The following ATG2A variants were observed in gnomAD, a reference collection of about 807,000 sequenced individuals.
ATG2A encodes autophagy-related protein 2 homolog A.
ATG2A carries 103 observed loss-of-function variants against 214.2 expected under a neutral mutation model. That is an observed-to-expected ratio of 0.48 (90% CI 0.41 to 0.57). The LOEUF is 0.57. Ranked by LOEUF, ATG2A falls within the 20% of genes least tolerant of loss-of-function variation. ATG2A has a pLI of 0.00. For synonymous variants in ATG2A, 1,160 were observed against 1,142.1 expected, an observed-to-expected ratio of 1.02 and a Z score of -0.32; for missense variants, 2,312 against 2,613.2, an observed-to-expected ratio of 0.88 and a Z score of 2.51.
At position 64,913,619 on chromosome 11, in the gene ATG2A, G is replaced by C. The variant is rs1046875296; in HGVS notation, c.590+202C>G. On this transcript the variant is annotated intron_variant, in intron 4 of 40. Transcript: ENST00000377264. This position sits in a 1 kb window ranked among gnomAD's most constrained non-coding sequence, Gnocchi z 4.3. ...CATCTAACTTGGTTCTTGGGGCCTC[G>C]GCCACTCTGGGCCTGTATCACCTGG... 1.3e-6 allele frequency: 1 copy of C among 780,948 alleles called. No homozygotes were observed. The highest frequency in any genetic ancestry group is 2.0e-6 in the Non-Finnish European group (1 of 501,446). 48.4% of individuals were successfully genotyped at this position (780,948 alleles called of 1,614,324 possible).
Position 64,910,136 on chromosome 11 carries a change from G to T in ATG2A, c.1767C>A (p.Ala589=). 1 of 1,612,036 alleles carries T rather than the reference G, an allele frequency of 6.2e-7. No individual in the cohort carries two copies. Among genetic ancestry groups the T allele is most frequent in the Non-Finnish European group, 8.5e-7 (1 of 1,179,626 alleles). Residue 589 remains alanine, a synonymous_variant, in exon 13 of 41, where the codon GCC becomes GCA. Coordinates refer to ENST00000377264, the MANE Select transcript of ATG2A (RefSeq NM_015104.3). Reference sequence around the variant, plus strand: ...CCAGCTCCACGTCCGCCTGGAAGTTGGCCAGGTCCAGGGCCAGTTCTGAGT... The same window carrying T: ...CCAGCTCCACGTCCGCCTGGAAGTTTGCCAGGTCCAGGGCCAGTTCTGAGT... ...HCHSELALDL[A]NFQADVELGA... is the part of the protein sequence containing the mutation.
Position 64,911,028 on chromosome 11 carries a change from G to A in ATG2A, c.1466+10C>T, listed in dbSNP as rs760314174. 46 of 1,613,810 alleles carry A rather than the reference G, an allele frequency of 2.9e-5. No homozygotes were observed. Among genetic ancestry groups the A allele is most frequent in the Admixed American group, 6.7e-5 (4 of 60,004 alleles). On this transcript the variant is annotated intron_variant, in intron 10 of 40. Transcript: ENST00000377264. The stretch of plus-strand genomic sequence containing the variant: ...TGGTCTCTCCTCAGGCCCTGGCCTC[G>A]GGCTTATACCGAACATGGCTACAGG...
In ATG2A at chr11:64,903,312, C is replaced by G; in HGVS notation, c.3588G>C (p.Trp1196Cys). The G allele has an allele frequency of 6.2e-7, 1 of 1,614,062 alleles. No homozygotes were observed. The highest frequency in any genetic ancestry group is 8.5e-7 in the Non-Finnish European group (1 of 1,180,008). Residue 1196 changes from tryptophan to cysteine, a missense_variant, in exon 26 of 41, where the codon TGG (tryptophan) becomes TGC (cysteine). By Grantham distance (215) the Trp-to-Cys change is radical. Transcript: ENST00000377264. This position sits in a 1 kb window ranked among gnomAD's most constrained non-coding sequence, Gnocchi z 4.2. Reference sequence around the variant, plus strand: ...CCAGTTTGCCCTCGGTGCTCCCTTTCCAGGTTTTAATCACAAGTTCCAAGA... The same window carrying G: ...CCAGTTTGCCCTCGGTGCTCCCTTTGCAGGTTTTAATCACAAGTTCCAAGA... The part of the protein sequence containing the change: ...VDLLELVIKT[W>C]KGSTEGKLSQ...
At chr11:64,914,524 C>T in intron 1 of ATG2A, 24 bp from the exon 2 acceptor site, 10 of 1,607,782 alleles carry the variant, frequency 6.2e-6, no homozygotes, top group Non-Finnish European at 7.6e-6. Context: ...AGAGACAAAA[C>T]CAGCTCAGGG....
At chr11:64,907,133 G>A (rs1944581465) in intron 19 of ATG2A, 122 bp downstream of exon 19, 7 of 1,220,790 alleles carry the variant, frequency 5.7e-6, no homozygotes, top group South Asian at 1.6e-5. Context: ...GGGTGGGCTG[G>A]CGCTGCCCAC....
intron 31 of ATG2A, among the ~76,000 whole-genome samples, chr11:64,899,508 C>G (rs923555622): frequency 3.9e-5 from 6 of 152,314 alleles, no homozygotes; most frequent in African/African-American, 1.2e-4. Context: ...CCCCTCTGCC[C>G]TTTGCCTCTA....
chr11:64,894,889 G>A lies in ATG2A; in HGVS notation c.*84C>T, dbSNP rs1944092328. ...CAGTGGCCATCCCCTGAAGGGCCAG[G>A]CCGGGCCGGGCCCGTGGGCTGCAGC... On this transcript the variant is annotated 3_prime_UTR_variant, in exon 41 of 41. Transcript: ENST00000377264. The A allele has an allele frequency of 6.6e-7, 1 of 1,523,476 alleles. No individual in the cohort carries two copies. Among genetic ancestry groups the A allele is most frequent in the Non-Finnish European group, 9.0e-7 (1 of 1,107,988 alleles). 94.4% of individuals were successfully genotyped at this position (1,523,476 alleles called of 1,614,324 possible).
At chr11:64,908,436 C>A (rs759693541) in intron 16 of ATG2A, among the ~76,000 whole-genome samples, 1 of 152,112 alleles carries the variant, frequency 6.6e-6, no homozygotes, top group Non-Finnish European at 1.5e-5. Context: ...CCTGTAATCC[C>A]GGCTACTCAG....
At position 64,909,956 on chromosome 11, in the gene ATG2A, C is replaced by CG. The variant is rs770942560; in HGVS notation, c.1864-33dup. On this transcript the variant is annotated intron_variant, in intron 13 of 40. Coordinates refer to ENST00000377264, the MANE Select transcript of ATG2A (RefSeq NM_015104.3). ...GAGGATTGGGGGTCAGAGCAGCCGTCGGAGCCCCTCCCACTGTGACCAAGA... is the reference window on the plus strand; with the variant it reads ...GAGGATTGGGGGTCAGAGCAGCCGTCGGGAGCCCCTCCCACTGTGACCAAGA... The CG allele has an allele frequency of 1.7e-4, 266 of 1,581,906 alleles. No individual in the cohort carries two copies. The Middle Eastern group carries it at 5.2e-3, about 31-fold the overall frequency.
chr11:64,909,911 G>A lies in ATG2A; in HGVS notation c.1877C>T (p.Pro626Leu), dbSNP rs758839871. ...AAATACCGTCTGCTGCTCCATCGCCGGCAGGGGCTCTGTCTGCAGGAGGAT... is the reference window on the plus strand; with the variant it reads ...AAATACCGTCTGCTGCTCCATCGCCAGCAGGGGCTCTGTCTGCAGGAGGAT... ...PPAGLLTEPL[P>L]AMEQQTVFRL... Residue 626 changes from proline to leucine, a missense_variant, in exon 14 of 41, where the codon CCG (proline) becomes CTG (leucine). Coordinates refer to ENST00000377264, the MANE Select transcript of ATG2A (RefSeq NM_015104.3). 15 of 1,602,246 alleles carry A rather than the reference G, an allele frequency of 9.4e-6. No individual in the cohort carries two copies. Among genetic ancestry groups the A allele is most frequent in the African/African-American group, 4.0e-5 (3 of 74,756 alleles).
In ATG2A at chr11:64,913,455, C is replaced by T. The variant is rs1944858014; in HGVS notation, c.591-54G>A. 6.0e-6 allele frequency: 9 copies of T among 1,502,736 alleles called. No individual in the cohort carries two copies. The highest frequency in any genetic ancestry group is 8.0e-6 in the Non-Finnish European group (9 of 1,121,736). 93.1% of individuals were successfully genotyped at this position (1,502,736 alleles called of 1,614,324 possible). ...TGGCCACCCCAGGCCTGGAGCCCCT[C>T]TCTCCACACAGTGCTCTGCTCTAGG... On this transcript the variant is annotated intron_variant, in intron 4 of 40. Transcript: ENST00000377264. This position sits in a 1 kb window ranked among gnomAD's most constrained non-coding sequence, Gnocchi z 4.3.
rs367709674 is a variant in ATG2A, at chr11:64,900,748, G to A, written c.4329-119C>T. ...CTAGCCCCAGTCCTGGAAGGCAGGC[G>A]GGATAAGGAAGGATGAGGAAACTGA... On this transcript the variant is annotated intron_variant, in intron 30 of 40. Coordinates refer to ENST00000377264, the MANE Select transcript of ATG2A (RefSeq NM_015104.3). 289 of 1,444,544 alleles carry A rather than the reference G, an allele frequency of 2.0e-4. 4 individuals carry two copies. In the South Asian group the frequency reaches 3.4e-3, roughly 17 times the overall value. The allele number at this position is 1,444,544 out of a possible 1,614,324, so 89.5% of individuals were successfully genotyped here. A position where few individuals can be genotyped will look rare whatever the true frequency, so the allele number is the denominator to read the frequency against.
rs377550175 is a variant in ATG2A, at chr11:64,902,172, G to A, written c.3909C>T (p.Gly1303=). ...SLRELAQPSG[G]HLPQASPISV... Reference sequence around the variant, plus strand: ...AGATGGGCGACGCCTGAGGGAGGTGGCCACCTATAGGAGAGAGGCCAGTTT... The same window carrying A: ...AGATGGGCGACGCCTGAGGGAGGTGACCACCTATAGGAGAGAGGCCAGTTT... Residue 1303 remains glycine (G), a synonymous_variant, in exon 29 of 41, where the codon GGC becomes GGT. Transcript: ENST00000377264. The A allele has an allele frequency of 5.6e-6, 9 of 1,612,670 alleles. No homozygotes were observed. In the African/African-American group the frequency reaches 1.2e-4, roughly 22 times the overall value.
In ATG2A at chr11:64,903,716, C is replaced by T. The variant is rs556011178; in HGVS notation, c.3465-56G>A. The T allele has an allele frequency of 1.5e-5, 23 of 1,510,838 alleles. No individual in the cohort carries two copies. The highest frequency in any genetic ancestry group is 2.1e-5 in the Admixed American group (1 of 48,466). The allele number at this position is 1,510,838 out of a possible 1,614,324, so 93.6% of individuals were successfully genotyped here. A position where few individuals can be genotyped will look rare whatever the true frequency, so the allele number is the denominator to read the frequency against. ...GGCACCGCTGCAGGGGGCAGCTCCA[C>T]GGGAGCCGAGCAGAGGGGTCCCAAG... is the stretch of plus-strand genomic sequence containing the variant. On this transcript the variant is annotated intron_variant, in intron 24 of 40. Transcript: ENST00000377264. This position sits in a 1 kb window ranked among gnomAD's most constrained non-coding sequence, Gnocchi z 4.2.
Position 64,909,922 on chromosome 11 carries a change from T to C in ATG2A, c.1866A>G (p.Thr622=), listed in dbSNP as rs375409243. 6.3e-7 allele frequency: 1 copy of C among 1,599,850 alleles called. No individual in the cohort carries two copies. The highest frequency in any genetic ancestry group is 8.5e-7 in the Non-Finnish European group (1 of 1,173,610). ...GCTGCTCCATCGCCGGCAGGGGCTC[T>C]GTCTGCAGGAGGATTGGGGGTCAGA... The part of the protein sequence containing the change: ...VPAEPPAGLL[T]EPLPAMEQQT... The change falls in exon 14 of 41, where the codon ACA becomes ACG. Residue 622 remains threonine, a splice_region_variant and synonymous_variant. Coordinates refer to ENST00000377264, the MANE Select transcript of ATG2A (RefSeq NM_015104.3).
At chr11:64,916,243 G>A (rs1291365711) in intron 1 of ATG2A, among the ~76,000 whole-genome samples, 1 of 152,118 alleles carries the variant, frequency 6.6e-6, no homozygotes, top group East Asian at 1.9e-4. Flanking sequence ...CCGGCTTGAA[G>A]CCAGATCTCC....
Position 64,913,542 on chromosome 11 carries a change from C to T in ATG2A, c.591-141G>A. ...CCATCACACCTAGGCCGTCCTGAAC[C>T]ACCATGTCCAGCCCGGAGGCTCAGG... On this transcript the variant is annotated intron_variant, in intron 4 of 40. Transcript: ENST00000377264. This position sits in a 1 kb window ranked among gnomAD's most constrained non-coding sequence, Gnocchi z 4.3. 8.6e-7 allele frequency: 1 copy of T among 1,162,806 alleles called. No individual in the cohort carries two copies. The highest frequency in any genetic ancestry group is 1.2e-6 in the Non-Finnish European group (1 of 849,340). 72.0% of individuals were successfully genotyped at this position (1,162,806 alleles called of 1,614,324 possible).
Position 64,900,960 on chromosome 11 carries a change from G to A in ATG2A, c.4252C>T (p.Arg1418Trp), listed in dbSNP as rs758862064. ...AGGGAGACCTCACGTAGCACCACCC[G>A]AGTGCTGGGCACTGGGAAATGGGCA... Reference protein sequence around the residue: ...APAHFPVPSTRVVLREVSLVW... With the variant: ...APAHFPVPSTWVVLREVSLVW... Residue 1418 changes from arginine (R) to tryptophan (W), a missense_variant, in exon 30 of 41, where the codon CGG (arginine) becomes TGG (tryptophan). Physicochemically the swap from Arg to Trp is moderately radical, Grantham distance 101. Transcript: ENST00000377264. The A allele has an allele frequency of 1.3e-5, 21 of 1,583,686 alleles. No homozygotes were observed. Among genetic ancestry groups the A allele is most frequent in the African/African-American group, 1.1e-4 (8 of 74,114 alleles).
chr11:64,897,901 C>A lies in ATG2A; in HGVS notation c.4932G>T (p.Ser1644=). 2 of 1,565,806 alleles carry A rather than the reference C, an allele frequency of 1.3e-6. No homozygotes were observed. The highest frequency in any genetic ancestry group is 1.7e-6 in the Non-Finnish European group (2 of 1,155,564). Residue 1644 remains serine (S), a synonymous_variant, in exon 35 of 41, where the codon TCG becomes TCT. Transcript: ENST00000377264. ...TGTGTCCACCTCCTGGGGCCTCCTG[C>A]GAACCAGTGGTCTCTACGCCTTCGG... ...GQAEGVETTG[S]QEAPGGGHSP...
Sources: gnomAD v4.1 joint callset for allele counts (sites outside exome capture counted in the v4.1 genomes callset) on GRCh38, gnomAD v4.1.1 for gene constraint, Gnocchi (gnomAD v3.1) non-coding constraint, MANE v1.5 for transcripts, NCBI Gene and HGNC (gene_info 2026-07-23, HGNC 2026-07-21) for gene names.